The following PIK3C3 variants were observed in gnomAD, a reference collection of about 807,000 sequenced individuals.
The protein encoded by PIK3C3 is PI3-kinase type 3.
Under a neutral mutation model 126.1 loss-of-function variants are expected in PIK3C3, and 95 were observed. That is an observed-to-expected ratio of 0.75 (90% CI 0.64 to 0.89). The LOEUF is 0.89. Ranked by LOEUF, PIK3C3 falls within the 40% of genes least tolerant of loss-of-function variation. The pLI is 0.00. For missense variants in PIK3C3, 829 were observed against 1,063.2 expected, an observed-to-expected ratio of 0.78 and a Z score of 3.06; for synonymous variants, 374 against 360.0, an observed-to-expected ratio of 1.04 and a Z score of -0.44.
At chr18:42,044,685 G>A (rs962223748) in intron 20 of PIK3C3, among the ~76,000 whole-genome samples, 19 of 152,120 alleles carry the variant, frequency 1.2e-4, no homozygotes, top group Admixed American at 7.2e-4. Context: ...CTCCCAAAGT[G>A]CAAAGATTGA....
intron 24 of PIK3C3, among the ~76,000 whole-genome samples, chr18:42,072,630 T>C (rs1985822037): frequency 6.6e-6 from 1 of 152,086 alleles, no homozygotes; most frequent in Non-Finnish European, 1.5e-5. Context: ...CTCCTGGGCT[T>C]GAGTGATCCT....
chr18:42,037,931 C>A, intron 17 of PIK3C3, 111 bp downstream of exon 17: 1 of 1,006,878 alleles, frequency 9.9e-7, no homozygotes, highest in Non-Finnish European at 1.4e-6. Context: ...AGGTACGATC[C>A]TAGAAAGCTC....
intron 3 of PIK3C3, among the ~76,000 whole-genome samples, chr18:41,962,995 G>A (rs916878533): frequency 5.3e-5 from 8 of 151,972 alleles, no homozygotes; most frequent in African/African-American, 1.9e-4. Context: ...TGAAAAACAG[G>A]ATTAAAAAGC....
chr18:42,087,443 G>A lies in PIK3C3; in HGVS notation c.*6306G>A, dbSNP rs1986421780. On this transcript the variant is annotated 3_prime_UTR_variant, in exon 25 of 25. Coordinates refer to ENST00000262039, the MANE Select transcript of PIK3C3 (RefSeq NM_002647.4). ...TGATTGGGTCCATCTTGTGTAACACGTGGCTGGCAGAGAAGGGAAGATGAA... is the reference window on the plus strand; with the variant it reads ...TGATTGGGTCCATCTTGTGTAACACATGGCTGGCAGAGAAGGGAAGATGAA... 6.6e-6 allele frequency: 1 copy of A among 152,154 alleles called. No individual in the cohort carries two copies. Among genetic ancestry groups the A allele is most frequent in the South Asian group, 2.1e-4 (1 of 4,832 alleles). 9.4% of individuals were successfully genotyped at this position (152,154 alleles called of 1,614,324 possible). A position where few individuals can be genotyped will look rare whatever the true frequency, so the allele number is the denominator to read the frequency against.
rs915119299 is a variant in PIK3C3 at position 42,082,503 on chromosome 18, A to G, written c.*1366A>G. On this transcript the variant is annotated 3_prime_UTR_variant, in exon 25 of 25. Transcript: ENST00000262039. ...TACATCATCTTAAGAGAGCTTATAT[A>G]TAAACTAAATGGGCAGGCTCCATCG... is the stretch of plus-strand genomic sequence containing the variant. 1.3e-5 allele frequency: 2 copies of G among 152,230 alleles called. No homozygotes were observed. The highest frequency in any genetic ancestry group is 2.4e-5 in the African/African-American group (1 of 41,466). The allele number at this position is 152,230 out of a possible 1,614,324, so 9.4% of individuals were successfully genotyped here.
In PIK3C3 at chr18:42,086,434, CCA is replaced by C. The variant is rs990947822; in HGVS notation, c.*5299_*5300del. Reference sequence around the variant, plus strand: ...GGACTGGGTATAATGAAGCTGAGACCCACTGGGCTGCATTCCCAGGAAGTTAG... The same window carrying C: ...GGACTGGGTATAATGAAGCTGAGACCCTGGGCTGCATTCCCAGGAAGTTAG... On this transcript the variant is annotated 3_prime_UTR_variant, in exon 25 of 25. Coordinates refer to ENST00000262039, the MANE Select transcript of PIK3C3 (RefSeq NM_002647.4). 6.6e-6 allele frequency: 1 copy of C among 152,104 alleles called. No homozygotes were observed. The highest frequency in any genetic ancestry group is 1.5e-5 in the Non-Finnish European group (1 of 68,038). The allele number at this position is 152,104 out of a possible 1,614,324, so 9.4% of individuals were successfully genotyped here.
intron 24 of PIK3C3, among the ~76,000 whole-genome samples, chr18:42,073,859 G>C (rs1479003432): frequency 1.3e-5 from 2 of 152,030 alleles, no homozygotes; most frequent in African/African-American, 4.8e-5. Context: ...AGGTCAGTGA[G>C]TGAGTCTCTT....
intron 9 of PIK3C3, among the ~76,000 whole-genome samples, chr18:42,001,426 T>TAC (rs1315800165): frequency 6.6e-6 from 1 of 152,208 alleles, no homozygotes; most frequent in African/African-American, 2.4e-5. Context: ...CTGTGGAAGT[T>TAC]ACACACAGAG....
chr18:41,979,266 G>A lies in PIK3C3; in HGVS notation c.532-8546G>A, dbSNP rs117324121. Reference sequence around the variant, plus strand: ...ATGAGCACTTGCTCTCTTTCTGGAAGTCTAAAATTTTGGTAGTTGTAAGGC... The same window carrying A: ...ATGAGCACTTGCTCTCTTTCTGGAAATCTAAAATTTTGGTAGTTGTAAGGC... On this transcript the variant is annotated intron_variant, in intron 4 of 24. Transcript: ENST00000262039. 8.1e-4 allele frequency among the ~76,000 whole-genome samples: 123 copies of A among 152,212 alleles called. 1 individual carries two copies. The East Asian group carries it at 0.024, about 29-fold the overall frequency.
intron 19 of PIK3C3, among the ~76,000 whole-genome samples, chr18:42,043,085 A>G (rs1267402463): frequency 6.6e-6 from 1 of 152,026 alleles, no homozygotes; most frequent in African/African-American, 2.4e-5. Context: ...AAAAAAGGTG[A>G]AAACATAGGA....
At chr18:42,050,727 C>T (rs1184690003) in intron 21 of PIK3C3, 1 of 152,210 alleles carries the variant, frequency 6.6e-6, no homozygotes. Context: ...TTGAAGCAAA[C>T]AATATATGTT....
intron 14 of PIK3C3, among the ~76,000 whole-genome samples, chr18:42,028,560 C>T (rs924865583): frequency 1.3e-5 from 2 of 152,186 alleles, no homozygotes; most frequent in African/African-American, 4.8e-5. Context: ...TCTTATTAAA[C>T]ACTTTGAGAC....
At chr18:41,992,592 A>G (rs1981831531) in intron 6 of PIK3C3, among the ~76,000 whole-genome samples, 2 of 152,176 alleles carry the variant, frequency 1.3e-5, no homozygotes. Context: ...TTTATGTTGA[A>G]TTACCTTTCT....
At chr18:41,974,538 T>C (rs927537856) in intron 4 of PIK3C3, among the ~76,000 whole-genome samples, 2 of 152,174 alleles carry the variant, frequency 1.3e-5, no homozygotes, top group African/African-American at 4.8e-5. Flanking sequence ...ATAATTTAAA[T>C]ACACTATTAC....
chr18:41,985,316 T>C (rs1171542375), intron 4 of PIK3C3, among the ~76,000 whole-genome samples: 1 of 152,136 alleles, frequency 6.6e-6, no homozygotes, highest in Non-Finnish European at 1.5e-5. Flanking sequence ...AATAGGTAAA[T>C]AGGACAGGCA....
intron 12 of PIK3C3, among the ~76,000 whole-genome samples, chr18:42,019,508 A>T (rs1345234591): frequency 6.6e-6 from 1 of 151,994 alleles, no homozygotes; most frequent in South Asian, 2.1e-4. Context: ...TTCTTGAAAA[A>T]CTAACTCTTC....
At position 41,955,239 on chromosome 18, in the gene PIK3C3, GT is replaced by G; in HGVS notation, c.-48del. On this transcript the variant is annotated 5_prime_UTR_variant, in exon 1 of 25. It introduces an in-frame stop codon into an upstream open reading frame of the 5' UTR. Coordinates refer to ENST00000262039, the MANE Select transcript of PIK3C3 (RefSeq NM_002647.4). ...GGGGCTCAGCTGGTTCATTTATGTTGTTTTTCCTGTACCTAAGTTCCCGCTG... is the reference window on the plus strand; with the variant it reads ...GGGGCTCAGCTGGTTCATTTATGTTGTTTTCCTGTACCTAAGTTCCCGCTG... 2 of 1,490,194 alleles carry G rather than the reference GT, an allele frequency of 1.3e-6. No homozygotes were observed. The highest frequency in any genetic ancestry group is 1.9e-6 in the Non-Finnish European group (2 of 1,073,384). 92.3% of individuals were successfully genotyped at this position (1,490,194 alleles called of 1,614,324 possible).
intron 9 of PIK3C3, among the ~76,000 whole-genome samples, chr18:42,001,079 A>G (rs1982265051): frequency 6.6e-6 from 1 of 152,234 alleles, no homozygotes; most frequent in South Asian, 2.1e-4. Context: ...TATATGAGAT[A>G]TAGTATTTTC....
intron 22 of PIK3C3, among the ~76,000 whole-genome samples, chr18:42,059,635 T>C: frequency 6.6e-6 from 1 of 152,222 alleles, no homozygotes. Context: ...AGAGCCAAGG[T>C]TGACTTCCTT....
Sources: allele counts gnomAD v4.1 joint callset (sites outside exome capture counted in the v4.1 genomes callset), GRCh38; gene constraint gnomAD v4.1.1; transcripts MANE v1.5; gene names NCBI Gene and HGNC (gene_info 2026-07-23, HGNC 2026-07-21).